EHMT1: variants seen among roughly 807,000 people sequenced by gnomAD.
EHMT1 encodes histone-lysine N-methyltransferase EHMT1.
EHMT1 carries 15 observed loss-of-function variants against 147.2 expected under a neutral mutation model. That is an observed-to-expected ratio of 0.10 (90% CI 0.07 to 0.16). EHMT1 has a LOEUF of 0.16. Ranked by LOEUF, EHMT1 falls within the 10% of genes least tolerant of loss-of-function variation. EHMT1 has a pLI of 1.00. For synonymous variants in EHMT1, 795 were observed against 709.6 expected (o/e 1.12, Z -1.91); for missense variants, 1,587 against 1,772.4 (o/e 0.90, Z 1.88).
intron 1 of EHMT1, among the ~76,000 whole-genome samples, chr9:137,634,883 T>G (rs1218783147): frequency 1.4e-5 from 2 of 144,672 alleles, no homozygotes; most frequent in Non-Finnish European, 3.0e-5. Context: ...TTTTTTTTTT[T>G]TTTTTTTTTT....
rs1244488558 is a variant in EHMT1, at chr9:137,835,112, G to A, written c.*159G>A. On this transcript the variant is annotated 3_prime_UTR_variant, in exon 27 of 27. Transcript: ENST00000460843. ...AGGTGAGGCTGCAGCCCCTGCGGGC[G>A]GGTGTGGATGCCTCCCAGCCACCTT... is the stretch of plus-strand genomic sequence containing the variant. The A allele has an allele frequency of 2.4e-6, 2 of 846,736 alleles. No homozygotes were observed. The highest frequency in any genetic ancestry group is 3.3e-6 in the Non-Finnish European group (2 of 614,474). The allele number at this position is 846,736 out of a possible 1,614,324, so 52.5% of individuals were successfully genotyped here.
At chr9:137,774,503 G>T (rs1267268497) in intron 10 of EHMT1, among the ~76,000 whole-genome samples, 14 of 124,074 alleles carry the variant, frequency 1.1e-4, no homozygotes, top group Non-Finnish European at 1.8e-4. Flanking sequence ...GTATGGTCGC[G>T]CCTGGCCCCC....
At chr9:137,629,512 G>C (rs1843481924) in intron 1 of EHMT1, among the ~76,000 whole-genome samples, 1 of 151,576 alleles carries the variant, frequency 6.6e-6, no homozygotes, top group Admixed American at 6.6e-5. Context: ...TTCTGCCTCA[G>C]TCTCCCAAGT....
intron 18 of EHMT1, among the ~76,000 whole-genome samples, chr9:137,803,948 C>T (rs1179200304): frequency 1.3e-5 from 2 of 152,052 alleles, no homozygotes; most frequent in African/African-American, 4.8e-5. Context: ...CTACCTAAGA[C>T]TGTAATTTAT....
At chr9:137,719,391 G>A (rs1001093947) in intron 3 of EHMT1, among the ~76,000 whole-genome samples, 6 of 151,974 alleles carry the variant, frequency 3.9e-5, no homozygotes, top group African/African-American at 1.2e-4. Flanking sequence ...GTGCGTTGTG[G>A]GCCGGACTGC....
chr9:137,780,559 A>ATC (rs2136805203), intron 14 of EHMT1, among the ~76,000 whole-genome samples: 1 of 74,504 alleles, frequency 1.3e-5, no homozygotes, highest in Non-Finnish European at 2.5e-5. Flanking sequence ...TGGTGATGGC[A>ATC]TCACTGAGAT....
At chr9:137,658,189 C>T (rs757406498) in intron 1 of EHMT1, among the ~76,000 whole-genome samples, 1 of 152,208 alleles carries the variant, frequency 6.6e-6, no homozygotes, top group Non-Finnish European at 1.5e-5. Context: ...CTCACTTTGT[C>T]ACCCAGGCTG....
In EHMT1 at chr9:137,732,727, G is replaced by A. The variant is rs907696384; in HGVS notation, c.823+4198G>A. Among the ~76,000 whole-genome samples, 2 of 152,142 alleles carry A rather than the reference G, an allele frequency of 1.3e-5. No individual in the cohort carries two copies. The highest frequency in any genetic ancestry group is 6.5e-5 in the Admixed American group (1 of 15,278). On this transcript the variant is annotated intron_variant, in intron 4 of 26. Transcript: ENST00000460843. This position sits in a 1 kb window ranked among gnomAD's most constrained non-coding sequence, Gnocchi z 4.6. ...TTTGGCTTGAAGGTCAGGTTTCACC[G>A]GGGACCTGCTCCTATCTGCCTAGGA... is the stretch of plus-strand genomic sequence containing the variant.
In EHMT1 at chr9:137,784,244, C is replaced by T. The variant is rs1951788257; in HGVS notation, c.2382+1847C>T. 6.5e-6 allele frequency: 10 copies of T among 1,533,600 alleles called. No individual in the cohort carries two copies. In the Admixed American group the frequency reaches 1.4e-4, roughly 21 times the overall value. The allele number at this position is 1,533,600 out of a possible 1,614,324, so 95.0% of individuals were successfully genotyped here. On this transcript the variant is annotated intron_variant, in intron 15 of 26. Coordinates refer to ENST00000460843, the MANE Select transcript of EHMT1 (RefSeq NM_024757.5). Reference sequence around the variant, plus strand: ...CACAGCCTTGCTGTGGACCAGGCCGCCCACAGGGAGCAGGTCCATTCCTGG... The same window carrying T: ...CACAGCCTTGCTGTGGACCAGGCCGTCCACAGGGAGCAGGTCCATTCCTGG...
chr9:137,831,597 C>G lies in EHMT1; in HGVS notation c.3541-2752C>G, dbSNP rs75766126. Among the ~76,000 whole-genome samples the G allele has an allele frequency of 9.5e-3, 1,451 of 152,336 alleles. 35 individuals are homozygous for G. Among genetic ancestry groups the G allele is most frequent in the African/African-American group, 0.032 (1,347 of 41,570 alleles). On this transcript the variant is annotated intron_variant, in intron 25 of 26. Transcript: ENST00000460843. ...GTTTCTCCGCTGAGACTTCTCATTT[C>G]TCTGATATTTTCATGCCTTGAAATC...
At chr9:137,752,049 G>C (rs373659205) in intron 6 of EHMT1, among the ~76,000 whole-genome samples, 1 of 152,224 alleles carries the variant, frequency 6.6e-6, no homozygotes, top group Admixed American at 6.5e-5. Flanking sequence ...GCCTCAGTCC[G>C]CACCAGGGCA....
At chr9:137,648,217 T>C (rs978964397) in intron 1 of EHMT1, among the ~76,000 whole-genome samples, 4 of 152,290 alleles carry the variant, frequency 2.6e-5, no homozygotes, top group Admixed American at 6.5e-5. Context: ...AGCAAAATCG[T>C]AAGAGACCAT....
intron 1 of EHMT1, chr9:137,619,961 A>G (rs1842852839): frequency 6.6e-6 from 1 of 152,212 alleles, no homozygotes; most frequent in African/African-American, 2.4e-5. Context: ...TTTCTTTGAA[A>G]TTAACTGTCT....
At chr9:137,651,114 G>A (rs1231315884) in intron 1 of EHMT1, 1 of 152,008 alleles carries the variant, frequency 6.6e-6, no homozygotes, top group Non-Finnish European at 1.5e-5. Flanking sequence ...TGGAAAAACT[G>A]GAACCCTCCC....
chr9:137,649,361 G>A (rs1431274857), intron 1 of EHMT1, among the ~76,000 whole-genome samples: 3 of 152,130 alleles, frequency 2.0e-5, no homozygotes, highest in Non-Finnish European at 2.9e-5. Flanking sequence ...TGCGGAGGCC[G>A]AGGCAGGAGA....
intron 1 of EHMT1, among the ~76,000 whole-genome samples, chr9:137,643,569 G>T (rs951746970): frequency 6.6e-6 from 1 of 151,740 alleles, no homozygotes; most frequent in Non-Finnish European, 1.5e-5. Flanking sequence ...AAGATGGTCT[G>T]GATCTCCTGA....
intron 3 of EHMT1, among the ~76,000 whole-genome samples, chr9:137,720,710 C>T (rs1201107454): frequency 6.6e-6 from 1 of 152,174 alleles, no homozygotes; most frequent in Non-Finnish European, 1.5e-5. Flanking sequence ...GTCATTAGCC[C>T]GTCCCGTTCT....
chr9:137,672,952 G>GT (rs772701277), intron 1 of EHMT1, among the ~76,000 whole-genome samples: 1 of 152,160 alleles, frequency 6.6e-6, no homozygotes, highest in Non-Finnish European at 1.5e-5. Context: ...ATACCTTGTG[G>GT]TTTTCTGCAT....
chr9:137,673,806 A>G (rs990245385), intron 1 of EHMT1, among the ~76,000 whole-genome samples: 4 of 152,174 alleles, frequency 2.6e-5, no homozygotes. Flanking sequence ...AAGATGGAAA[A>G]TGACACAATT....
Sources: allele counts gnomAD v4.1 joint callset (sites outside exome capture counted in the v4.1 genomes callset), GRCh38; gene constraint gnomAD v4.1.1; non-coding constraint Gnocchi (gnomAD v3.1); transcripts MANE v1.5; gene names NCBI Gene and HGNC (gene_info 2026-07-23, HGNC 2026-07-21).